Variants in XRN1 observed in about 807,000 individuals in gnomAD.
XRN1 encodes strand-exchange protein 1 homolog.
XRN1 carries 67 observed loss-of-function variants against 222.3 expected under a neutral mutation model. The observed-to-expected ratio is 0.30, with a 90% confidence interval of 0.25 to 0.37. The LOEUF (loss-of-function observed/expected upper bound fraction) is 0.37, where lower values mean the gene tolerates loss of function less well. Ranked by LOEUF, XRN1 falls within the 10% of genes least tolerant of loss-of-function variation. The probability of loss-of-function intolerance (pLI) is 1.00; values close to 1 mark genes in which losing one functional copy is unlikely to be tolerated. For synonymous variants in XRN1, 643 were observed against 652.4 expected (o/e 0.99, Z 0.22); for missense variants, 1,707 against 2,000.2 (o/e 0.85, Z 2.80).
Position 142,312,710 on chromosome 3 carries a change from C to G in XRN1, c.4670G>C (p.Gly1557Ala), listed in dbSNP as rs745374284. Residue 1557 changes from glycine to alanine, a missense_variant, in exon 40 of 41, where the codon GGA becomes GCA. By Grantham distance (60) the Gly-to-Ala change is moderately conservative. Coordinates refer to ENST00000392981, the MANE Select transcript of XRN1 (RefSeq NM_001282857.2). ...SSHLFGSMPW[G>A]PSVPVPGKPF... ...CTTCCCAGGAACTGGCACCGATGGT[C>G]CCCATGGCATTGAGCCAAAGAGATG... is the stretch of plus-strand genomic sequence containing the variant. 3.9e-5 allele frequency: 63 copies of G among 1,613,584 alleles called. 2 individuals carry two copies. In the South Asian group the frequency reaches 6.7e-4, roughly 17 times the overall value.
At chr3:142,379,098 T>TAA (rs372092982) in intron 23 of XRN1, among the ~76,000 whole-genome samples, 7 of 136,132 alleles carry the variant, frequency 5.1e-5, no homozygotes, top group Admixed American at 1.5e-4. Context: ...CCATCTCTAC[T>TAA]AAAAAAAAAA....
At chr3:142,359,783 A>G in intron 30 of XRN1, 79 bp downstream of exon 30, 1 of 1,123,260 alleles carries the variant, frequency 8.9e-7, no homozygotes, top group Non-Finnish European at 1.3e-6. Context: ...CTGAAATTGT[A>G]AACAAATAAA....
At chr3:142,404,883 T>C (rs758149221) in intron 16 of XRN1, 24 bp downstream of exon 16, 1 of 1,613,010 alleles carries the variant, frequency 6.2e-7, no homozygotes, top group Non-Finnish European at 8.5e-7. Context: ...CTTTTGTTGT[T>C]GAAAAATTAC....
intron 18 of XRN1, among the ~76,000 whole-genome samples, 161 bp from the exon 19 acceptor site, chr3:142,400,708 C>T (rs2068097015): frequency 6.6e-6 from 1 of 152,104 alleles, no homozygotes; most frequent in Non-Finnish European, 1.5e-5. Context: ...AACTTAAAGT[C>T]CAGAGGTCAA....
At chr3:142,400,333 GTGTAAA>G in intron 19 of XRN1, 105 bp downstream of exon 19, 1 of 841,256 alleles carries the variant, frequency 1.2e-6, no homozygotes, top group Non-Finnish European at 1.8e-6. Context: ...TTGGTACAGA[GTGTAAA>G]TGTTCTTAAT....
Position 142,384,513 on chromosome 3 carries a change from A to G in XRN1, c.2502+10T>C. 6.2e-7 allele frequency: 1 copy of G among 1,604,616 alleles called. No homozygotes were observed. The highest frequency in any genetic ancestry group is 8.5e-7 in the Non-Finnish European group (1 of 1,176,518). On this transcript the variant is annotated intron_variant, in intron 21 of 40. Transcript: ENST00000392981. Reference sequence around the variant, plus strand: ...TATTAAGACAGAATTGAAACTTGATATAGACTTACCTTGACAATAGTTTGA... The same window carrying G: ...TATTAAGACAGAATTGAAACTTGATGTAGACTTACCTTGACAATAGTTTGA...
chr3:142,377,898 C>T (rs75100269), intron 23 of XRN1, among the ~76,000 whole-genome samples: 3,699 of 152,224 alleles, frequency 0.024, 64 homozygotes, highest in Non-Finnish European at 0.041. Flanking sequence ...ATCTAAAGAG[C>T]CACTCTCCTG....
chr3:142,414,845 A>G (rs776450455), intron 13 of XRN1, among the ~76,000 whole-genome samples: 1 of 152,180 alleles, frequency 6.6e-6, no homozygotes, highest in Non-Finnish European at 1.5e-5. Context: ...ATTGGGATGA[A>G]TCAGGTAATT....
At chr3:142,393,113 T>A (rs1313883499) in intron 20 of XRN1, among the ~76,000 whole-genome samples, 4 of 150,544 alleles carry the variant, frequency 2.7e-5, no homozygotes, top group African/African-American at 9.8e-5. Context: ...TTTGGCTGCA[T>A]AAATGTCTTC....
chr3:142,374,475 A>C (rs1424599363), intron 25 of XRN1, among the ~76,000 whole-genome samples: 1 of 152,226 alleles, frequency 6.6e-6, no homozygotes, highest in Non-Finnish European at 1.5e-5. Context: ...AAGAAATAAA[A>C]TGTAATCTTA....
At chr3:142,330,877 G>A (rs2065676745) in intron 36 of XRN1, among the ~76,000 whole-genome samples, 1 of 152,106 alleles carries the variant, frequency 6.6e-6, no homozygotes, top group African/African-American at 2.4e-5. Context: ...CGTGATCTTG[G>A]CTCACTGCAA....
chr3:142,369,229 A>G (rs780649820), intron 27 of XRN1, among the ~76,000 whole-genome samples: 6 of 152,254 alleles, frequency 3.9e-5, no homozygotes, highest in Non-Finnish European at 7.3e-5. Context: ...TTCATTTTCT[A>G]TAGATAAAAC....
chr3:142,432,074 A>C (rs2069625852), intron 2 of XRN1, among the ~76,000 whole-genome samples: 1 of 115,764 alleles, frequency 8.6e-6, no homozygotes, highest in African/African-American at 3.6e-5. Flanking sequence ...TGCAAAAATA[A>C]ATAAATTATA....
At chr3:142,408,040 T>C (rs1194348210) in intron 15 of XRN1, among the ~76,000 whole-genome samples, 1 of 152,256 alleles carries the variant, frequency 6.6e-6, no homozygotes, top group East Asian at 1.9e-4. Context: ...AGGTCATATA[T>C]GGACATTCTA....
At chr3:142,371,878 T>G (rs911393229) in intron 25 of XRN1, among the ~76,000 whole-genome samples, 1 of 152,162 alleles carries the variant, frequency 6.6e-6, no homozygotes, top group East Asian at 1.9e-4. Context: ...GCACGGTATC[T>G]GGTGGCATAT....
chr3:142,447,586 T>C lies in XRN1; in HGVS notation c.75+284A>G, dbSNP rs1188834518. Among the ~76,000 whole-genome samples, 3 of 152,172 alleles carry C rather than the reference T, an allele frequency of 2.0e-5. No homozygotes were observed. The highest frequency in any genetic ancestry group is 4.4e-5 in the Non-Finnish European group (3 of 68,036). ...GGAAACCGGAGAACAGTAAAAGCGT[T>C]CTTTCCCAGGACTTCATTTCGGAGT... On this transcript the variant is annotated intron_variant, in intron 1 of 40. Coordinates refer to ENST00000392981, the MANE Select transcript of XRN1 (RefSeq NM_001282857.2). The surrounding 1 kb of genome is among the most constrained non-coding windows in gnomAD (Gnocchi z 4.2).
At chr3:142,359,629 A>G (rs926853981) in intron 30 of XRN1, among the ~76,000 whole-genome samples, 7 of 152,192 alleles carry the variant, frequency 4.6e-5, no homozygotes, top group Admixed American at 1.3e-4. Context: ...AGCACTTGCC[A>G]TGCTTTAATT....
At chr3:142,432,587 A>G in intron 2 of XRN1, 74 bp downstream of exon 2, 2 of 1,304,464 alleles carry the variant, frequency 1.5e-6, no homozygotes, top group Non-Finnish European at 2.1e-6. Flanking sequence ...AGATTGTGTT[A>G]AATCAATTAT....
In XRN1 at chr3:142,410,373, G is replaced by T. The variant is rs113079861; in HGVS notation, c.1713+2171C>A. Among the ~76,000 whole-genome samples the T allele has an allele frequency of 2.4e-3, 358 of 151,442 alleles. 1 individual carries two copies. Among genetic ancestry groups the T allele is most frequent in the African/African-American group, 7.9e-3 (328 of 41,258 alleles). On this transcript the variant is annotated intron_variant, in intron 15 of 40. Transcript: ENST00000392981. ...GTGGAAGGTGGAAAAAAAACTGGAT[G>T]TTGAATATTGATAATGTGGTAAATT...
Sources: gnomAD v4.1 joint callset for allele counts (sites outside exome capture counted in the v4.1 genomes callset) on GRCh38, gnomAD v4.1.1 for gene constraint, Gnocchi (gnomAD v3.1) non-coding constraint, MANE v1.5 for transcripts, NCBI Gene and HGNC (gene_info 2026-07-23, HGNC 2026-07-21) for gene names.